Variants in RNF38 observed in about 807,000 individuals in gnomAD.
The protein encoded by RNF38 is ring finger protein 38, also known as E3 ubiquitin-protein ligase RNF38.
Under a neutral mutation model 67.2 loss-of-function variants are expected in RNF38, and 15 were observed. The ratio of observed to expected loss-of-function variants is 0.22; its 90% CI spans 0.15 to 0.34. RNF38 has a LOEUF of 0.34. Ranked by LOEUF, RNF38 falls within the 10% of genes least tolerant of loss-of-function variation. The pLI is 1.00. For synonymous variants in RNF38, 220 were observed against 218.8 expected, an observed-to-expected ratio of 1.01 and a Z score of -0.05; for missense variants, 524 against 639.9, an observed-to-expected ratio of 0.82 and a Z score of 1.95.
chr9:36,417,068 C>T (rs1838494108), intron 2 of RNF38, among the ~76,000 whole-genome samples: 5 of 152,020 alleles, frequency 3.3e-5, no homozygotes. Context: ...GGCCTTGCAT[C>T]AACTTTTATA....
intron 4 of RNF38, among the ~76,000 whole-genome samples, chr9:36,358,938 G>A (rs891791094): frequency 2.0e-5 from 3 of 152,188 alleles, no homozygotes; most frequent in African/African-American, 4.8e-5. Flanking sequence ...TTGAACCTGG[G>A]AGGTGGAAGT....
At chr9:36,364,240 T>C (rs1834777485) in intron 4 of RNF38, among the ~76,000 whole-genome samples, 1 of 152,204 alleles carries the variant, frequency 6.6e-6, no homozygotes, top group Non-Finnish European at 1.5e-5. Context: ...ACCACAGGGA[T>C]GAAGACCTTT....
chr9:36,343,782 AG>A (rs1329411084), intron 10 of RNF38, among the ~76,000 whole-genome samples: 1 of 152,226 alleles, frequency 6.6e-6, no homozygotes, highest in Admixed American at 6.5e-5. Flanking sequence ...GCTAAGTGAA[AG>A]ATGCTAGACA....
intron 1 of RNF38, among the ~76,000 whole-genome samples, chr9:36,483,371 A>T (rs1564080848): frequency 6.6e-6 from 1 of 151,072 alleles, no homozygotes; most frequent in Non-Finnish European, 1.5e-5. Flanking sequence ...GGGCAACAAG[A>T]GCGAAACTCT....
chr9:36,436,357 T>C (rs1839065292), intron 1 of RNF38, among the ~76,000 whole-genome samples: 1 of 152,230 alleles, frequency 6.6e-6, no homozygotes, highest in African/African-American at 2.4e-5. Flanking sequence ...CAATTCAGTT[T>C]AGAAAGAGCT....
intron 2 of RNF38, among the ~76,000 whole-genome samples, chr9:36,414,253 G>C (rs1481406341): frequency 6.6e-6 from 1 of 152,172 alleles, no homozygotes; most frequent in East Asian, 1.9e-4. Context: ...CGTTAGTATT[G>C]AGATGTTAGC....
chr9:36,400,536 G>C (rs978432508), upstream of RNF38: 1 of 990,154 alleles, frequency 1.0e-6, no homozygotes, highest in Non-Finnish European at 1.2e-6. Context: ...TGCAGCCAAC[G>C]GCCGCGGCGG....
chr9:36,339,956 T>A (rs1389108249), intron 11 of RNF38, 142 bp from the exon 12 acceptor site: 7 of 748,210 alleles, frequency 9.4e-6, no homozygotes, highest in Admixed American at 4.7e-5. Flanking sequence ...TGCCTTTTTT[T>A]AACCCATAAA....
At chr9:36,453,725 G>A (rs1221768198) in intron 1 of RNF38, among the ~76,000 whole-genome samples, 1 of 152,042 alleles carries the variant, frequency 6.6e-6, no homozygotes, top group Non-Finnish European at 1.5e-5. Context: ...ATGAGGTCTT[G>A]CCATGTTGCA....
chr9:36,363,530 T>C (rs1372802162), intron 4 of RNF38, among the ~76,000 whole-genome samples: 1 of 101,038 alleles, frequency 9.9e-6, no homozygotes, highest in Non-Finnish European at 2.6e-5. Context: ...GAACCACTTA[T>C]TAGCAATTCT....
intron 1 of RNF38, among the ~76,000 whole-genome samples, chr9:36,434,528 C>T (rs960116990): frequency 3.9e-5 from 6 of 152,142 alleles, no homozygotes; most frequent in East Asian, 1.9e-4. Flanking sequence ...TGGGATTACA[C>T]GCATGCGCCA....
At chr9:36,348,689 G>C (rs1833480809) in intron 9 of RNF38, among the ~76,000 whole-genome samples, 1 of 152,216 alleles carries the variant, frequency 6.6e-6, no homozygotes, top group Admixed American at 6.5e-5. Flanking sequence ...AGCTGCAGAA[G>C]AAAAGTTGGA....
At chr9:36,367,646 A>T (rs1383404188) in intron 4 of RNF38, among the ~76,000 whole-genome samples, 2 of 152,154 alleles carry the variant, frequency 1.3e-5, no homozygotes, top group Non-Finnish European at 2.9e-5. Flanking sequence ...TTAATACACC[A>T]CTAGCTATGG....
At position 36,427,031 on chromosome 9, in the gene RNF38, ACTGC is replaced by A. The variant is rs112843852; in HGVS notation, n.242-2352_242-2349del. On this transcript the variant is annotated intron_variant and non_coding_transcript_variant, in intron 1 of 3. Transcript: ENST00000488058. ...CAAGGCTGTGATTTACCTGTGAGACACTGCCTAAGTCCTCAATTTTTTTTGCTAG... is the reference window on the plus strand; with the variant it reads ...CAAGGCTGTGATTTACCTGTGAGACACTAAGTCCTCAATTTTTTTTGCTAG... Among the ~76,000 whole-genome samples the A allele has an allele frequency of 2.0e-3, 305 of 152,324 alleles. 1 individual carries two copies. The highest frequency in any genetic ancestry group is 7.2e-3 in the African/African-American group (298 of 41,580).
chr9:36,476,716 C>T (rs911872661), intron 1 of RNF38, among the ~76,000 whole-genome samples: 1 of 151,606 alleles, frequency 6.6e-6, no homozygotes, highest in Non-Finnish European at 1.5e-5. Flanking sequence ...TTAGTAGAAA[C>T]CGGATTTCAC....
chr9:36,471,631 T>C (rs1036684852), intron 1 of RNF38, among the ~76,000 whole-genome samples: 1 of 152,180 alleles, frequency 6.6e-6, no homozygotes. Context: ...GACTCTTATC[T>C]CAAAATAACA....
chr9:36,367,919 T>A (rs1299401456), intron 4 of RNF38, among the ~76,000 whole-genome samples: 1 of 152,238 alleles, frequency 6.6e-6, no homozygotes, highest in East Asian at 1.9e-4. Flanking sequence ...TGGCACGAGC[T>A]TGGCTCACTG....
At chr9:36,371,165 G>T (rs1472585699) in intron 3 of RNF38, among the ~76,000 whole-genome samples, 9 of 152,074 alleles carry the variant, frequency 5.9e-5, no homozygotes. Flanking sequence ...TGTCATTTTA[G>T]CAACTTTCTT....
chr9:36,465,420 C>G (rs1839837160), intron 1 of RNF38, among the ~76,000 whole-genome samples: 1 of 152,154 alleles, frequency 6.6e-6, no homozygotes, highest in Admixed American at 6.5e-5. Flanking sequence ...AATCTCGGCT[C>G]ACTGCAACTT....
Sources: allele counts gnomAD v4.1 joint callset (sites outside exome capture counted in the v4.1 genomes callset), GRCh38; gene constraint gnomAD v4.1.1; transcripts MANE v1.5; gene names NCBI Gene and HGNC (gene_info 2026-07-23, HGNC 2026-07-21).